Variants in ACCSL observed in about 807,000 individuals in gnomAD.
ACCSL encodes the protein 1-aminocyclopropane-1-carboxylate synthase homolog (inactive) like.
In ACCSL, 55 loss-of-function variants were observed where a neutral mutation model predicts 61.7. The ratio of observed to expected loss-of-function variants is 0.89; its 90% CI spans 0.72 to 1.12. The LOEUF (loss-of-function observed/expected upper bound fraction) is 1.12, where lower values mean the gene tolerates loss of function less well. Among genes scored for constraint, ACCSL ranks in the 50% most tolerant of loss-of-function variants. The pLI is 0.00. For synonymous variants in ACCSL, 258 were observed against 264.3 expected, an observed-to-expected ratio of 0.98 and a Z score of 0.23; for missense variants, 632 against 698.0, an observed-to-expected ratio of 0.91 and a Z score of 1.07.
At chr11:43,979,986 A>G in the ACCSL span, among the ~76,000 whole-genome samples, 1 of 152,204 alleles carries the variant, frequency 6.6e-6, no homozygotes, top group Non-Finnish European at 1.5e-5. Context: ...TGTTATTTCC[A>G]GATTTGTCTA....
chr11:43,932,411 A>G, the ACCSL span, among the ~76,000 whole-genome samples: 1 of 152,128 alleles, frequency 6.6e-6, no homozygotes, highest in Admixed American at 6.5e-5. Flanking sequence ...GGGACCACAG[A>G]TGCGCACCAA....
At chr11:44,009,293 A>T in the ACCSL span, among the ~76,000 whole-genome samples, 1 of 152,186 alleles carries the variant, frequency 6.6e-6, no homozygotes, top group Non-Finnish European at 1.5e-5. Flanking sequence ...AGCTGCTAAA[A>T]AGGATTTGTT....
At chr11:44,017,088 T>C in the ACCSL span, among the ~76,000 whole-genome samples, 2,305 of 152,228 alleles carry the variant, frequency 0.015, 59 homozygotes, top group East Asian at 0.056. Context: ...ATCAAGGACA[T>C]TCAGATACAC....
chr11:43,987,994 T>C, the ACCSL span, among the ~76,000 whole-genome samples: 4 of 148,488 alleles, frequency 2.7e-5, no homozygotes, highest in Non-Finnish European at 5.9e-5. Context: ...GCATGGAAAA[T>C]GGTTTCAGTC....
chr11:44,011,343 G>A, the ACCSL span, among the ~76,000 whole-genome samples: 1 of 152,190 alleles, frequency 6.6e-6, no homozygotes, highest in Non-Finnish European at 1.5e-5. Flanking sequence ...TTATTAGTGA[G>A]CTTGTTTAAG....
At chr11:44,005,094 C>T in the ACCSL span, among the ~76,000 whole-genome samples, 2 of 106,714 alleles carry the variant, frequency 1.9e-5, no homozygotes, top group South Asian at 3.5e-4. Context: ...CTGTGCTTTT[C>T]GAGTCCCGGC....
chr11:43,953,800 T>G, the ACCSL span, among the ~76,000 whole-genome samples: 1 of 152,186 alleles, frequency 6.6e-6, no homozygotes, highest in Non-Finnish European at 1.5e-5. Flanking sequence ...CACCCCTTGT[T>G]TAGCATATAA....
chr11:43,962,137 C>G, the ACCSL span, among the ~76,000 whole-genome samples: 1 of 152,174 alleles, frequency 6.6e-6, no homozygotes, highest in African/African-American at 2.4e-5. Flanking sequence ...TCTGAGTCAA[C>G]AATCTTTGCC....
the ACCSL span, among the ~76,000 whole-genome samples, chr11:43,938,489 C>T: frequency 1.3e-5 from 2 of 152,188 alleles, no homozygotes; most frequent in African/African-American, 2.4e-5. Context: ...ATCTTCCATA[C>T]CCTTCTGTTT....
At chr11:44,024,251 A>G in the ACCSL span, among the ~76,000 whole-genome samples, 1 of 152,128 alleles carries the variant, frequency 6.6e-6, no homozygotes, top group Non-Finnish European at 1.5e-5. Context: ...GGACTGGGAT[A>G]TACATCACTG....
chr11:44,033,973 G>A, the ACCSL span, among the ~76,000 whole-genome samples: 2 of 152,134 alleles, frequency 1.3e-5, no homozygotes, highest in Admixed American at 6.5e-5. Flanking sequence ...CAGAAGGGAT[G>A]GGGGTGGGGG....
chr11:43,923,317 A>G, the ACCSL span, among the ~76,000 whole-genome samples: 1 of 151,764 alleles, frequency 6.6e-6, no homozygotes, highest in Non-Finnish European at 1.5e-5. Flanking sequence ...TCTAAGACCC[A>G]CTTTGCCTTT....
At position 44,048,307 on chromosome 11, in the gene ACCSL, G is replaced by C. The variant is rs548419052; in HGVS notation, c.271G>C (p.Glu91Gln). 2 of 1,614,092 alleles carry C rather than the reference G, an allele frequency of 1.2e-6. No individual in the cohort carries two copies. The highest frequency in any genetic ancestry group is 2.2e-5 in the East Asian group (1 of 44,860). Residue 91 changes from glutamate to glutamine, a missense_variant, in exon 1 of 14, where the codon GAG becomes CAG. By Grantham distance (29) the Glu-to-Gln change is conservative. Coordinates refer to ENST00000378832, the MANE Select transcript of ACCSL (RefSeq NM_001031854.2). ...ACAGTCTGGGGCCGCGAGTGGCCTG[G>C]AGCTCCAAGTGCCTCTTCCTTCTGA... ...LLQSGAASGLELQVPLPSEDS... is the reference protein window; with the variant it reads ...LLQSGAASGLQLQVPLPSEDS...
the ACCSL span, among the ~76,000 whole-genome samples, chr11:43,938,616 C>T: frequency 6.6e-6 from 1 of 152,062 alleles, no homozygotes; most frequent in South Asian, 2.1e-4. Context: ...CCAGCCTGGC[C>T]AACAGGGTGA....
chr11:43,936,760 T>G, the ACCSL span, among the ~76,000 whole-genome samples: 6 of 132,058 alleles, frequency 4.5e-5, no homozygotes, highest in Non-Finnish European at 4.8e-5. Flanking sequence ...CGGGGAGGAG[T>G]GGTCCTGGCC....
the ACCSL span, among the ~76,000 whole-genome samples, chr11:43,941,017 C>T: frequency 2.0e-5 from 3 of 152,036 alleles, no homozygotes; most frequent in African/African-American, 4.8e-5. Flanking sequence ...CTGTAAATGG[C>T]GATAAGAAAT....
chr11:43,965,654 A>G, the ACCSL span, among the ~76,000 whole-genome samples: 1 of 152,228 alleles, frequency 6.6e-6, no homozygotes, highest in Admixed American at 6.5e-5. Flanking sequence ...TGAATAGATA[A>G]AACAATCTCG....
At chr11:44,038,430 C>A in the ACCSL span, among the ~76,000 whole-genome samples, 2 of 152,114 alleles carry the variant, frequency 1.3e-5, no homozygotes, top group Non-Finnish European at 2.9e-5. Context: ...AGGAAGGCTC[C>A]TTGGAGGAGG....
the ACCSL span, among the ~76,000 whole-genome samples, chr11:43,955,339 T>C: frequency 6.6e-6 from 1 of 152,160 alleles, no homozygotes; most frequent in Non-Finnish European, 1.5e-5. Flanking sequence ...TTCTTACCAT[T>C]CTGGAGTCTG....
Sources: gnomAD v4.1 joint callset for allele counts (sites outside exome capture counted in the v4.1 genomes callset) on GRCh38, gnomAD v4.1.1 for gene constraint, MANE v1.5 for transcripts, NCBI Gene and HGNC (gene_info 2026-07-23, HGNC 2026-07-21) for gene names.